Variants in TRAPPC3L observed in about 807,000 individuals in gnomAD.
TRAPPC3L encodes the protein trafficking protein particle complex subunit 3L.
TRAPPC3L carries 23 observed loss-of-function variants against 23.7 expected under a neutral mutation model. The ratio of observed to expected loss-of-function variants is 0.97; its 90% CI spans 0.70 to 1.37. The LOEUF (loss-of-function observed/expected upper bound fraction) is 1.37. TRAPPC3L is among the 40% of genes most tolerant of loss of function. The pLI, the probability that TRAPPC3L is intolerant of heterozygous loss-of-function variation, is 0.00. For synonymous variants in TRAPPC3L, 81 were observed against 77.9 expected (o/e 1.04, Z -0.21); for missense variants, 212 against 216.8 (o/e 0.98, Z 0.14).
Position 116,512,092 on chromosome 6 carries a change from G to A in TRAPPC3L, c.241-11426C>T, listed in dbSNP as rs372266185. ...TCTATGAATGTGCCATGAGCGGGAC[G>A]AGAAGTTCAGGACTCCTGGAACTGA... On this transcript the variant is annotated intron_variant, in intron 3 of 4. Transcript: ENST00000368602. 83 of 1,614,046 alleles carry A rather than the reference G, an allele frequency of 5.1e-5. 1 individual carries two copies. The South Asian group carries it at 6.0e-4, about 12-fold the overall frequency.
chr6:116,530,070 G>T (rs964764242), intron 3 of TRAPPC3L, among the ~76,000 whole-genome samples: 3 of 152,044 alleles, frequency 2.0e-5, no homozygotes, highest in Admixed American at 6.6e-5. Context: ...ATTACATCTA[G>T]ACTTAGACCC....
chr6:116,524,179 G>A (rs1210954749), intron 3 of TRAPPC3L: 1 of 137,058 alleles, frequency 7.3e-6, no homozygotes, highest in African/African-American at 2.7e-5. Context: ...AGAAAAAAGA[G>A]TTTAGGGAGA....
intron 3 of TRAPPC3L, chr6:116,521,824 TTGAATC>T (rs1772348701): frequency 6.6e-6 from 1 of 152,196 alleles, no homozygotes; most frequent in African/African-American, 2.4e-5. Flanking sequence ...TATCCTCACT[TTGAATC>T]TGACCTTATG....
chr6:116,507,608 A>T (rs1028973094), intron 3 of TRAPPC3L, among the ~76,000 whole-genome samples: 33 of 152,094 alleles, frequency 2.2e-4, no homozygotes, highest in South Asian at 4.2e-4. Flanking sequence ...TGGCAGATTT[A>T]AAAAAAACAT....
chr6:116,504,367 T>C (rs1011519558), intron 3 of TRAPPC3L, among the ~76,000 whole-genome samples: 1 of 152,086 alleles, frequency 6.6e-6, no homozygotes, highest in Non-Finnish European at 1.5e-5. Flanking sequence ...AATAACAGGT[T>C]CTGAAATTGA....
intron 2 of TRAPPC3L, among the ~76,000 whole-genome samples, chr6:116,540,700 A>C: frequency 6.6e-6 from 1 of 152,122 alleles, no homozygotes; most frequent in East Asian, 1.9e-4. Flanking sequence ...GAGTCTGCCT[A>C]GAATCAAGAC....
chr6:116,533,761 T>G (rs1772895300), intron 3 of TRAPPC3L, among the ~76,000 whole-genome samples: 3 of 152,164 alleles, frequency 2.0e-5, no homozygotes, highest in African/African-American at 7.2e-5. Flanking sequence ...TTTTCTTCTG[T>G]CTCTAGCGTG....
chr6:116,507,788 A>C (rs1424204425), intron 3 of TRAPPC3L, among the ~76,000 whole-genome samples: 1 of 138,438 alleles, frequency 7.2e-6, no homozygotes, highest in African/African-American at 2.5e-5. Context: ...ATGAATTATA[A>C]AGTAACTTCG....
At chr6:116,505,842 C>T (rs929555850) in intron 3 of TRAPPC3L, among the ~76,000 whole-genome samples, 14 of 152,166 alleles carry the variant, frequency 9.2e-5, no homozygotes, top group African/African-American at 3.1e-4. Flanking sequence ...TGGATCCCTT[C>T]CTTACACCTT....
intron 3 of TRAPPC3L, among the ~76,000 whole-genome samples, chr6:116,503,477 A>G (rs1009919889): frequency 2.6e-5 from 4 of 152,156 alleles, no homozygotes; most frequent in African/African-American, 9.7e-5. Flanking sequence ...GAGACAGAAA[A>G]TTAACAAGGA....
In TRAPPC3L at chr6:116,515,912, G is replaced by A. The variant is rs747919199; in HGVS notation, c.241-15246C>T. On this transcript the variant is annotated intron_variant, in intron 3 of 4. Transcript: ENST00000368602. ...ACACTATAGCACCCTCCACAGAGTGGTGGACAATGGTCTGCAACTTAGCCC... is the reference window on the plus strand; with the variant it reads ...ACACTATAGCACCCTCCACAGAGTGATGGACAATGGTCTGCAACTTAGCCC... 3 of 1,613,796 alleles carry A rather than the reference G, an allele frequency of 1.9e-6. No homozygotes were observed. In the East Asian group the frequency reaches 6.7e-5, roughly 36 times the overall value.
At chr6:116,505,659 A>T (rs1771992404) in intron 3 of TRAPPC3L, among the ~76,000 whole-genome samples, 1 of 152,364 alleles carries the variant, frequency 6.6e-6, no homozygotes. Context: ...TGGTACTGGT[A>T]CCAAAACAGA....
intron 4 of TRAPPC3L, among the ~76,000 whole-genome samples, chr6:116,499,213 T>TCAGC (rs1771876599): frequency 6.6e-6 from 1 of 152,220 alleles, no homozygotes; most frequent in Non-Finnish European, 1.5e-5. Flanking sequence ...TTCATTCCTT[T>TCAGC]CAGCCAGTTC....
rs149568080 is a variant in TRAPPC3L, at chr6:116,539,186, G to A, written c.240+1177C>T. On this transcript the variant is annotated intron_variant, in intron 3 of 4. Coordinates refer to ENST00000368602, the MANE Select transcript of TRAPPC3L (RefSeq NM_001139444.3). ...CATTAAAACAGCTGGTATTCTTGTA[G>A]TATTGCCTATAGAATTAGTTTCATT... Among the ~76,000 whole-genome samples the A allele has an allele frequency of 3.3e-3, 497 of 152,254 alleles. 4 individuals carry two copies. Among genetic ancestry groups the A allele is most frequent in the Non-Finnish European group, 5.8e-3 (392 of 68,004 alleles).
chr6:116,497,277 G>A (rs1324124808), intron 4 of TRAPPC3L, among the ~76,000 whole-genome samples: 1 of 152,170 alleles, frequency 6.6e-6, no homozygotes, highest in African/African-American at 2.4e-5. Flanking sequence ...CTGCAAAGAG[G>A]AGGGTGGTCC....
At chr6:116,524,855 A>T (rs1041358192) in intron 3 of TRAPPC3L, 2 of 152,044 alleles carry the variant, frequency 1.3e-5, no homozygotes, top group Non-Finnish European at 2.9e-5. Context: ...AAACTAAACC[A>T]CTCCTATATT....
chr6:116,541,538 G>T (rs762221116), intron 2 of TRAPPC3L, among the ~76,000 whole-genome samples: 1 of 152,140 alleles, frequency 6.6e-6, no homozygotes, highest in Admixed American at 6.6e-5. Context: ...TGATGTGAGA[G>T]TGCTTATGAA....
At chr6:116,530,832 A>T (rs902630243) in intron 3 of TRAPPC3L, among the ~76,000 whole-genome samples, 5 of 150,176 alleles carry the variant, frequency 3.3e-5, no homozygotes, top group Non-Finnish European at 7.4e-5. Flanking sequence ...GCTCTGAAAC[A>T]AAGAAAAACA....
intron 3 of TRAPPC3L, among the ~76,000 whole-genome samples, chr6:116,501,474 A>C (rs1244936325): frequency 6.6e-6 from 1 of 152,232 alleles, no homozygotes; most frequent in Non-Finnish European, 1.5e-5. Context: ...ACTTCTGCAC[A>C]CTTAAACGTT....
Sources: allele counts gnomAD v4.1 joint callset (sites outside exome capture counted in the v4.1 genomes callset), GRCh38; gene constraint gnomAD v4.1.1; transcripts MANE v1.5; gene names NCBI Gene and HGNC (gene_info 2026-07-23, HGNC 2026-07-21).